GOLGA1: variants seen among roughly 807,000 people sequenced by gnomAD.
The protein encoded by GOLGA1 is golgin subfamily A member 1.
A neutral mutation model predicts 119.7 loss-of-function variants in GOLGA1; 63 were observed. The observed-to-expected ratio is 0.53, with a 90% confidence interval of 0.43 to 0.65. GOLGA1 has a LOEUF of 0.65. Ranked by LOEUF, GOLGA1 falls within the 30% of genes least tolerant of loss-of-function variation. The probability of loss-of-function intolerance (pLI) is 0.00; values close to 1 mark genes in which losing one functional copy is unlikely to be tolerated. For synonymous variants in GOLGA1, 318 were observed against 333.4 expected (o/e 0.95, Z 0.50); for missense variants, 798 against 912.8 (o/e 0.87, Z 1.62).
intron 19 of GOLGA1, among the ~76,000 whole-genome samples, chr9:124,883,726 G>A (rs897622254): frequency 6.6e-6 from 1 of 151,956 alleles, no homozygotes. Flanking sequence ...GGGATTACAG[G>A]CATGAGCCAC....
chr9:124,932,411 G>A (rs1036504627), intron 3 of GOLGA1, among the ~76,000 whole-genome samples: 4 of 152,208 alleles, frequency 2.6e-5, no homozygotes, highest in Non-Finnish European at 4.4e-5. Context: ...ACAGTGGACA[G>A]TTAAGAGGAG....
At chr9:124,893,920 G>A (rs560227556) in intron 15 of GOLGA1, among the ~76,000 whole-genome samples, 68 of 152,248 alleles carry the variant, frequency 4.5e-4, no homozygotes, top group African/African-American at 1.6e-3. Flanking sequence ...GAGTCCTCAG[G>A]TGAGCTGGTC....
At chr9:124,912,574 G>A (rs1163882330) in intron 10 of GOLGA1, among the ~76,000 whole-genome samples, 3 of 152,060 alleles carry the variant, frequency 2.0e-5, no homozygotes, top group African/African-American at 7.2e-5. Context: ...ACGGAGTGTC[G>A]CTCTGTTGCC....
chr9:124,947,328 T>C (rs1482952894), intron 1 of GOLGA1: 1 of 152,194 alleles, frequency 6.6e-6, no homozygotes, highest in Non-Finnish European at 1.5e-5. Context: ...CTTAGGTTTT[T>C]CAGGTTATAT....
At chr9:124,933,301 T>A (rs949280282) in intron 3 of GOLGA1, among the ~76,000 whole-genome samples, 7 of 152,240 alleles carry the variant, frequency 4.6e-5, no homozygotes, top group Middle Eastern at 3.2e-3. Context: ...ATCTGGGAAC[T>A]TAGATTTTGG....
At chr9:124,885,709 C>T (rs1345146647) in intron 19 of GOLGA1, among the ~76,000 whole-genome samples, 2 of 151,906 alleles carry the variant, frequency 1.3e-5, no homozygotes, top group Non-Finnish European at 2.9e-5. Flanking sequence ...GGGAGTGAGG[C>T]CCCTGTGGCT....
chr9:124,940,464 G>A (rs1588103648), intron 1 of GOLGA1, among the ~76,000 whole-genome samples: 1 of 152,318 alleles, frequency 6.6e-6, no homozygotes, highest in East Asian at 1.9e-4. Flanking sequence ...AAGTTTTCCT[G>A]GAGCCAGTAT....
At chr9:124,947,331 G>A (rs1235843828) in intron 1 of GOLGA1, 2 of 152,100 alleles carry the variant, frequency 1.3e-5, no homozygotes, top group Non-Finnish European at 2.9e-5. Flanking sequence ...AGGTTTTTCA[G>A]GTTATATCAC....
At chr9:124,908,573 G>A in intron 11 of GOLGA1, 101 bp from the exon 12 acceptor site, 3 of 731,848 alleles carry the variant, frequency 4.1e-6, no homozygotes, top group Non-Finnish European at 7.5e-6. Context: ...AGGCACAAGA[G>A]ACATGAATAC....
intron 14 of GOLGA1, 36 bp from the exon 15 acceptor site, chr9:124,898,680 T>A: frequency 8.2e-7 from 1 of 1,217,150 alleles, no homozygotes; most frequent in Non-Finnish European, 1.2e-6. Flanking sequence ...AAAGAAGTCT[T>A]CACTACCATA....
At chr9:124,927,610 A>G (rs967542694) in intron 6 of GOLGA1, among the ~76,000 whole-genome samples, 1 of 152,198 alleles carries the variant, frequency 6.6e-6, no homozygotes, top group African/African-American at 2.4e-5. Context: ...AATGTCATCT[A>G]TTATTTTGAA....
chr9:124,921,672 C>G (rs1830571372), intron 9 of GOLGA1, 51 bp downstream of exon 9: 2 of 1,428,230 alleles, frequency 1.4e-6, no homozygotes, highest in East Asian at 2.3e-5. Flanking sequence ...AGGCTATAGC[C>G]AGAACTACAC....
At chr9:124,882,194 G>GC (rs1331227344) in intron 20 of GOLGA1, among the ~76,000 whole-genome samples, 1 of 152,120 alleles carries the variant, frequency 6.6e-6, no homozygotes, top group Non-Finnish European at 1.5e-5. Context: ...CTCGCATCCC[G>GC]CATCAGGCCA....
In GOLGA1 at chr9:124,888,785, C is replaced by T. The variant is rs547882160; in HGVS notation, c.1761+358G>A. ...GCGCAATCTCGGCTCCACCAAGCTC[C>T]GCCTCCCGGGTTCACATCATTCTCC... On this transcript the variant is annotated intron_variant, in intron 18 of 22. Coordinates refer to ENST00000373555, the MANE Select transcript of GOLGA1 (RefSeq NM_002077.4). This position sits in a 1 kb window ranked among gnomAD's most constrained non-coding sequence, Gnocchi z 4.4. Among the ~76,000 whole-genome samples, 3 of 152,260 alleles carry T rather than the reference C, an allele frequency of 2.0e-5. No homozygotes were observed. Among genetic ancestry groups the T allele is most frequent in the South Asian group, 4.1e-4 (2 of 4,826 alleles).
intron 15 of GOLGA1, 110 bp downstream of exon 15, chr9:124,898,439 A>G (rs529184966): frequency 5.9e-6 from 4 of 675,098 alleles, no homozygotes; most frequent in Non-Finnish European, 1.0e-5. Context: ...TATTGAACAA[A>G]TGCTAATTCT....
At position 124,921,161 on chromosome 9, in the gene GOLGA1, G is replaced by A; in HGVS notation, c.811C>T (p.Leu271Phe). Residue 271 changes from leucine (L) to phenylalanine (F), a missense_variant, in exon 10 of 23, where the codon CTC (leucine) becomes TTC (phenylalanine). By Grantham distance (22) the Leu-to-Phe change is conservative. Coordinates refer to ENST00000373555, the MANE Select transcript of GOLGA1 (RefSeq NM_002077.4). ...AAATCAATGGAAAGCTGCTGAATGA[G>A]TGCTTGGAGCTCTTGTTCCTTTTGT... ...LEQKEQELQA[L>F]IQQLSIDLQK... The A allele has an allele frequency of 6.2e-7, 1 of 1,611,112 alleles. No homozygotes were observed. The highest frequency in any genetic ancestry group is 8.5e-7 in the Non-Finnish European group (1 of 1,177,206).
chr9:124,892,730 C>T (rs555848950), intron 15 of GOLGA1, among the ~76,000 whole-genome samples: 4 of 152,052 alleles, frequency 2.6e-5, no homozygotes, highest in East Asian at 3.9e-4. Context: ...GTTGAGAGTT[C>T]GAGACCAGCC....
At chr9:124,904,212 C>T (rs553624531) in intron 12 of GOLGA1, among the ~76,000 whole-genome samples, 1 of 151,592 alleles carries the variant, frequency 6.6e-6, no homozygotes, top group South Asian at 2.1e-4. Flanking sequence ...ATTCCACCAA[C>T]AGGAGGTATC....
chr9:124,885,283 G>A (rs1022625156), intron 19 of GOLGA1, among the ~76,000 whole-genome samples: 12 of 150,952 alleles, frequency 7.9e-5, no homozygotes, highest in Non-Finnish European at 1.2e-4. Flanking sequence ...AGCTGAGATC[G>A]CGCCACTGCA....
Sources: gnomAD v4.1 joint callset for allele counts (sites outside exome capture counted in the v4.1 genomes callset) on GRCh38, gnomAD v4.1.1 for gene constraint, Gnocchi (gnomAD v3.1) non-coding constraint, MANE v1.5 for transcripts, NCBI Gene and HGNC (gene_info 2026-07-23, HGNC 2026-07-21) for gene names.